The following SLC24A2 variants were observed in gnomAD, a reference collection of about 807,000 sequenced individuals.
The protein encoded by SLC24A2 is solute carrier family 24 member 2.
Under a neutral mutation model 62.0 loss-of-function variants are expected in SLC24A2, and 36 were observed. The ratio of observed to expected loss-of-function variants is 0.58; its 90% CI spans 0.44 to 0.77. SLC24A2 has a LOEUF of 0.77. Among genes scored for constraint, SLC24A2 ranks in the 30% least tolerant of loss-of-function variants. The pLI, the probability that SLC24A2 is intolerant of heterozygous loss-of-function variation, is 0.00. For missense variants in SLC24A2, 846 were observed against 817.9 expected (o/e 1.03, Z -0.42); for synonymous variants, 358 against 294.0 (o/e 1.22, Z -2.23).
intron 7 of SLC24A2, among the ~76,000 whole-genome samples, chr9:19,554,821 T>C (rs1282279298): frequency 1.3e-5 from 2 of 152,158 alleles, no homozygotes; most frequent in Non-Finnish European, 2.9e-5. Context: ...CTGACACCCA[T>C]CAAGGGCCAT....
chr9:20,135,217 T>G, the SLC24A2 span, among the ~76,000 whole-genome samples: 43 of 152,236 alleles, frequency 2.8e-4, no homozygotes, highest in East Asian at 8.1e-3. Context: ...CAGACAAATT[T>G]AAATTCTAAC....
intron 5 of SLC24A2, among the ~76,000 whole-genome samples, chr9:19,577,615 C>G (rs987751018): frequency 6.6e-6 from 1 of 152,080 alleles, no homozygotes; most frequent in Non-Finnish European, 1.5e-5. Context: ...GCTGAGTCAG[C>G]TGCAATTAAG....
the SLC24A2 span, among the ~76,000 whole-genome samples, chr9:20,015,989 A>T: frequency 6.6e-6 from 1 of 152,366 alleles, no homozygotes; most frequent in Non-Finnish European, 1.5e-5. Context: ...ATTTCCTTCT[A>T]TTATTGCATG....
chr9:20,243,518 A>G, the SLC24A2 span, among the ~76,000 whole-genome samples: 2 of 152,174 alleles, frequency 1.3e-5, no homozygotes, highest in Non-Finnish European at 2.9e-5. Context: ...CATCATCCTC[A>G]GTATTTGAGG....
At chr9:19,535,659 T>C (rs1314567505) in intron 8 of SLC24A2, among the ~76,000 whole-genome samples, 1 of 152,170 alleles carries the variant, frequency 6.6e-6, no homozygotes, top group Non-Finnish European at 1.5e-5. Flanking sequence ...GATTAGATGA[T>C]TGTAGATGTG....
chr9:19,931,354 A>AT, the SLC24A2 span, among the ~76,000 whole-genome samples: 7 of 152,306 alleles, frequency 4.6e-5, no homozygotes, highest in Non-Finnish European at 7.3e-5. Context: ...TTAAAAATAG[A>AT]TTTTTTTCAC....
At chr9:20,081,906 C>T in the SLC24A2 span, among the ~76,000 whole-genome samples, 1 of 152,164 alleles carries the variant, frequency 6.6e-6, no homozygotes, top group Non-Finnish European at 1.5e-5. Flanking sequence ...GGGAAAATTT[C>T]CTCCTCAGAT....
the SLC24A2 span, among the ~76,000 whole-genome samples, chr9:19,908,318 T>G: frequency 1.3e-5 from 2 of 152,150 alleles, no homozygotes; most frequent in Admixed American, 6.5e-5. Context: ...TCCTTACACC[T>G]TATACAAAAA....
the SLC24A2 span, among the ~76,000 whole-genome samples, chr9:20,298,800 C>A: frequency 6.6e-6 from 1 of 152,222 alleles, no homozygotes. Context: ...GAGAGTTGAG[C>A]AGCAGGAGAG....
intron 7 of SLC24A2, among the ~76,000 whole-genome samples, chr9:19,551,385 C>G (rs1171777605): frequency 6.6e-6 from 1 of 152,170 alleles, no homozygotes; most frequent in Non-Finnish European, 1.5e-5. Context: ...CTTCTGAAGT[C>G]AGGGCTAGAA....
chr9:20,116,126 A>G, the SLC24A2 span, among the ~76,000 whole-genome samples: 1 of 152,182 alleles, frequency 6.6e-6, no homozygotes, highest in African/African-American at 2.4e-5. Context: ...GATATGTGCC[A>G]TTTGAAAGAA....
chr9:20,021,895 C>T, the SLC24A2 span, among the ~76,000 whole-genome samples: 1 of 152,174 alleles, frequency 6.6e-6, no homozygotes, highest in East Asian at 1.9e-4. Flanking sequence ...TCTTCAGTTT[C>T]TGCTGACTCT....
At chr9:19,525,391 CTTTTTTTTTTTTT>C (rs572919824) in intron 9 of SLC24A2, among the ~76,000 whole-genome samples, 4 of 76,374 alleles carry the variant, frequency 5.2e-5, no homozygotes, top group African/African-American at 1.7e-4. Context: ...TATTTCTTTA[CTTTTTTTTTTTTT>C]TTTTTTTTTT....
chr9:20,083,238 C>G, the SLC24A2 span, among the ~76,000 whole-genome samples: 1 of 152,240 alleles, frequency 6.6e-6, no homozygotes, highest in Non-Finnish European at 1.5e-5. Context: ...TCTTTTTAGC[C>G]TCTCAGCCTA....
intron 2 of SLC24A2, among the ~76,000 whole-genome samples, chr9:19,647,814 T>C (rs757693586): frequency 1.3e-5 from 2 of 152,204 alleles, no homozygotes; most frequent in African/African-American, 2.4e-5. Flanking sequence ...GAAAAAATAC[T>C]TGATTTCACA....
At chr9:20,250,197 G>A in the SLC24A2 span, among the ~76,000 whole-genome samples, 1 of 152,340 alleles carries the variant, frequency 6.6e-6, no homozygotes, top group South Asian at 2.1e-4. Context: ...CTTAGCAGGT[G>A]AGGAAACTTG....
intron 5 of SLC24A2, among the ~76,000 whole-genome samples, chr9:19,586,413 TCG>T: frequency 6.6e-6 from 1 of 152,320 alleles, no homozygotes; most frequent in South Asian, 2.1e-4. Flanking sequence ...CTCAGATTTT[TCG>T]CTATATGAAA....
the SLC24A2 span, chr9:19,957,798 C>A: frequency 3.0e-3 from 454 of 152,362 alleles, 1 homozygote; most frequent in Non-Finnish European, 5.4e-3. Context: ...ATTCAAGCGG[C>A]CTCTCTTTCT....
chr9:20,050,240 C>CAAAAAAAAAA, the SLC24A2 span, among the ~76,000 whole-genome samples: 1 of 59,552 alleles, frequency 1.7e-5, no homozygotes, highest in African/African-American at 6.0e-5. Context: ...CCCGTCTCTA[C>CAAAAAAAAAA]AAAAAAAAAA....
Sources: allele counts gnomAD v4.1 joint callset (sites outside exome capture counted in the v4.1 genomes callset), GRCh38; gene constraint gnomAD v4.1.1; transcripts MANE v1.5; gene names NCBI Gene and HGNC (gene_info 2026-07-23, HGNC 2026-07-21).